Variants in AP4S1 observed in about 807,000 individuals in gnomAD.
The protein encoded by AP4S1 is adaptor related protein complex 4 subunit sigma 1, also known as AP-4 complex subunit sigma-1.
Under a neutral mutation model 19.8 loss-of-function variants are expected in AP4S1, and 23 were observed. The observed-to-expected ratio is 1.16, with a 90% CI of 0.84 to 1.65. The LOEUF is 1.65. Among genes scored for constraint, AP4S1 ranks in the 40% most tolerant of loss-of-function variants. AP4S1 has a pLI of 0.00. For missense variants in AP4S1, 166 were observed against 172.8 expected, an observed-to-expected ratio of 0.96 and a Z score of 0.22; for synonymous variants, 46 against 54.1, an observed-to-expected ratio of 0.85 and a Z score of 0.66.
At chr14:31,081,341 A>T (rs1887627697) in intron 5 of AP4S1, among the ~76,000 whole-genome samples, 1 of 152,180 alleles carries the variant, frequency 6.6e-6, no homozygotes, top group Admixed American at 6.5e-5. Flanking sequence ...AGGTTAAAGA[A>T]ATTGCCTGGC....
intron 4 of AP4S1, among the ~76,000 whole-genome samples, chr14:31,077,653 T>C (rs1177330268): frequency 2.0e-5 from 3 of 152,204 alleles, no homozygotes; most frequent in African/African-American, 7.2e-5. Flanking sequence ...CAGGTGATTC[T>C]GGTTTCTGGT....
intron 5 of AP4S1, among the ~76,000 whole-genome samples, chr14:31,086,903 G>C (rs1268163163): frequency 1.3e-5 from 2 of 151,960 alleles, no homozygotes; most frequent in Non-Finnish European, 2.9e-5. Context: ...CTGTTGCCCA[G>C]GCTTGAGTGC....
chr14:31,061,834 G>A (rs1392102107), intron 1 of AP4S1, among the ~76,000 whole-genome samples: 1 of 151,840 alleles, frequency 6.6e-6, no homozygotes, highest in Non-Finnish European at 1.5e-5. Flanking sequence ...TAGAGACAGG[G>A]TTTCACCATG....
chr14:31,028,594 CAT>C (rs1884189756), intron 1 of AP4S1, among the ~76,000 whole-genome samples: 1 of 129,124 alleles, frequency 7.7e-6, no homozygotes, highest in Non-Finnish European at 1.7e-5. Context: ...CATACACACA[CAT>C]ACACACACAC....
At chr14:31,049,457 A>ATATG (rs1885642544) in intron 1 of AP4S1, among the ~76,000 whole-genome samples, 1 of 72,428 alleles carries the variant, frequency 1.4e-5, no homozygotes, top group African/African-American at 6.3e-5. Context: ...ATATATATAT[A>ATATG]TATATGTATA....
chr14:31,054,867 CAAAAAAAAAAAA>C (rs1162029946), intron 1 of AP4S1, among the ~76,000 whole-genome samples: 25 of 46,396 alleles, frequency 5.4e-4, no homozygotes, highest in East Asian at 4.5e-3. Flanking sequence ...GACTCTGTCT[CAAAAAAAAAAAA>C]AAAAAAAAAA....
chr14:31,073,184 G>GTA, intron 4 of AP4S1: 3 of 495,666 alleles, frequency 6.1e-6, no homozygotes, highest in East Asian at 3.6e-5. Flanking sequence ...ATAAAGAACT[G>GTA]GAAAAAAAAA....
intron 4 of AP4S1, among the ~76,000 whole-genome samples, chr14:31,073,712 G>A (rs1290228781): frequency 2.0e-5 from 3 of 151,280 alleles, no homozygotes; most frequent in Non-Finnish European, 2.9e-5. Flanking sequence ...AGCTAATTTT[G>A]TATTTTTAGC....
In AP4S1 at chr14:31,095,846, C is replaced by T. The variant is rs191796764; in HGVS notation, c.*2811C>T. The T allele has an allele frequency of 2.1e-3, 321 of 151,930 alleles. No homozygotes were observed. The highest frequency in any genetic ancestry group is 3.4e-3 in the Middle Eastern group (1 of 294). 9.4% of individuals were successfully genotyped at this position (151,930 alleles called of 1,614,324 possible). On this transcript the variant is annotated 3_prime_UTR_variant, in exon 6 of 6. Coordinates refer to ENST00000542754, the MANE Select transcript of AP4S1 (RefSeq NM_001128126.3). ...CGCCTATAATCCCAGCACTTTGGGA[C>T]GCCAAGGTGGGTAGATCATTTGAGG...
chr14:31,080,948 C>T (rs572337828), intron 5 of AP4S1, among the ~76,000 whole-genome samples: 33 of 152,254 alleles, frequency 2.2e-4, no homozygotes, highest in Admixed American at 9.2e-4. Flanking sequence ...CCCACCACCA[C>T]GCCCAGCTAA....
chr14:31,088,263 G>C (rs975043832), intron 5 of AP4S1, among the ~76,000 whole-genome samples: 1 of 152,126 alleles, frequency 6.6e-6, no homozygotes, highest in African/African-American at 2.4e-5. Flanking sequence ...CTCACCACCA[G>C]GTCCCTCTGC....
intron 5 of AP4S1, among the ~76,000 whole-genome samples, chr14:31,087,397 T>G (rs1887949583): frequency 6.6e-6 from 1 of 152,208 alleles, no homozygotes; most frequent in African/African-American, 2.4e-5. Flanking sequence ...TGCTCTGTTG[T>G]CCGTGCTGGA....
intron 4 of AP4S1, among the ~76,000 whole-genome samples, chr14:31,077,244 G>A (rs1349430196): frequency 6.6e-6 from 1 of 152,216 alleles, no homozygotes; most frequent in African/African-American, 2.4e-5. Flanking sequence ...GCCAGCACAA[G>A]CTTATTTTTT....
intron 1 of AP4S1, among the ~76,000 whole-genome samples, chr14:31,039,607 C>T (rs1220758312): frequency 4.9e-5 from 7 of 143,072 alleles, no homozygotes; most frequent in Non-Finnish European, 9.0e-5. Context: ...GAGTTTCGCT[C>T]TGTCGCCCAG....
chr14:31,052,512 G>A (rs1885853056), intron 1 of AP4S1, among the ~76,000 whole-genome samples: 1 of 151,768 alleles, frequency 6.6e-6, no homozygotes, highest in Non-Finnish European at 1.5e-5. Flanking sequence ...ATCACCTGAG[G>A]TCAGGAGTTC....
intron 1 of AP4S1, among the ~76,000 whole-genome samples, chr14:31,058,401 C>T (rs951213375): frequency 1.3e-5 from 2 of 152,102 alleles, no homozygotes; most frequent in African/African-American, 4.8e-5. Context: ...GTAATGCTTT[C>T]CCCAGTGAAG....
At chr14:31,088,166 A>C (rs1887973589) in intron 5 of AP4S1, among the ~76,000 whole-genome samples, 1 of 152,142 alleles carries the variant, frequency 6.6e-6, no homozygotes, top group Non-Finnish European at 1.5e-5. Context: ...TTCTGCCTCC[A>C]GGTTTTTTTT....
chr14:31,044,294 A>G (rs1424915464), intron 1 of AP4S1, among the ~76,000 whole-genome samples: 1 of 152,132 alleles, frequency 6.6e-6, no homozygotes, highest in Admixed American at 6.5e-5. Flanking sequence ...GGGTTTCTAC[A>G]TAGTAGCTCA....
chr14:31,068,333 G>T (rs1036222700), intron 2 of AP4S1, among the ~76,000 whole-genome samples: 1 of 152,218 alleles, frequency 6.6e-6, no homozygotes, highest in African/African-American at 2.4e-5. Context: ...ATAATGGGCT[G>T]CCTGTGAGCA....
Sources: gnomAD v4.1 joint callset for allele counts (sites outside exome capture counted in the v4.1 genomes callset) on GRCh38, gnomAD v4.1.1 for gene constraint, MANE v1.5 for transcripts, NCBI Gene and HGNC (gene_info 2026-07-23, HGNC 2026-07-21) for gene names.